FER: variants seen among roughly 807,000 people sequenced by gnomAD.
The protein encoded by FER is tyrosine-protein kinase Fer.
FER carries 63 observed loss-of-function variants against 111.0 expected under a neutral mutation model. The observed-to-expected ratio is 0.57, with a 90% CI of 0.46 to 0.70. The LOEUF is 0.70. Among genes scored for constraint, FER ranks in the 30% least tolerant of loss-of-function variants. The pLI, the probability that FER is intolerant of heterozygous loss-of-function variation, is 0.00. For synonymous variants in FER, 327 were observed against 313.9 expected, an observed-to-expected ratio of 1.04 and a Z score of -0.44; for missense variants, 914 against 954.0, an observed-to-expected ratio of 0.96 and a Z score of 0.55.
chr5:108,998,543 G>C (rs1294415187), intron 13 of FER, among the ~76,000 whole-genome samples: 1 of 152,110 alleles, frequency 6.6e-6, no homozygotes, highest in Non-Finnish European at 1.5e-5. Flanking sequence ...GAAATCCCCT[G>C]CCTTCTCCCT....
chr5:108,775,478 C>G (rs1166807264), intron 2 of FER, among the ~76,000 whole-genome samples: 3 of 152,110 alleles, frequency 2.0e-5, no homozygotes, highest in Non-Finnish European at 4.4e-5. Context: ...GTTAATAATT[C>G]TGCTCTCCTT....
rs997229794 is a variant in FER at position 109,061,066 on chromosome 5, G to A, written c.1924+13868G>A. On this transcript the variant is annotated intron_variant, in intron 16 of 19. Coordinates refer to ENST00000281092, the MANE Select transcript of FER (RefSeq NM_005246.4). ...AATTGGGAAGCACAGTTTGTCTTCAGTTCTTCCCTTTTACCATCATTTGTG... is the reference window on the plus strand; with the variant it reads ...AATTGGGAAGCACAGTTTGTCTTCAATTCTTCCCTTTTACCATCATTTGTG... Among the ~76,000 whole-genome samples the A allele has an allele frequency of 2.6e-5, 4 of 152,056 alleles. No homozygotes were observed. The East Asian group carries it at 7.7e-4, about 29-fold the overall frequency.
intron 3 of FER, among the ~76,000 whole-genome samples, chr5:108,811,877 G>A (rs1757797777): frequency 1.3e-5 from 2 of 152,102 alleles, no homozygotes; most frequent in Admixed American, 6.5e-5. Flanking sequence ...CCTCCTTTTT[G>A]TTCCATTAGG....
intron 5 of FER, among the ~76,000 whole-genome samples, chr5:108,855,477 C>T (rs905002584): frequency 2.6e-5 from 4 of 151,190 alleles, no homozygotes; most frequent in South Asian, 4.2e-4. Context: ...AAAAATTAGC[C>T]GGGCGCGGTG....
chr5:109,166,185 G>C (rs143629128), intron 17 of FER, among the ~76,000 whole-genome samples: 359 of 149,882 alleles, frequency 2.4e-3, no homozygotes, highest in African/African-American at 8.6e-3. Flanking sequence ...TTTCCATCTT[G>C]TCTGTCTGTC....
rs887642083 is a variant in FER, at chr5:109,093,246, T to C, written c.1925-7150T>C. Among the ~76,000 whole-genome samples the C allele has an allele frequency of 2.4e-4, 36 of 152,340 alleles. 1 individual carries two copies. Among genetic ancestry groups the C allele is most frequent in the African/African-American group, 8.7e-4 (36 of 41,586 alleles). On this transcript the variant is annotated intron_variant, in intron 16 of 19. Coordinates refer to ENST00000281092, the MANE Select transcript of FER (RefSeq NM_005246.4). ...AATTGTTAATACAGTAAATTTATTG[T>C]GTAAATTTATGTGGTTTTTACCACA...
At chr5:109,185,953 G>A (rs1562006493) in intron 18 of FER, among the ~76,000 whole-genome samples, 9 of 152,218 alleles carry the variant, frequency 5.9e-5, no homozygotes, top group Admixed American at 6.5e-5. Flanking sequence ...TAACACAATG[G>A]TAAGTTTTTG....
chr5:108,875,934 T>A (rs1765050020), intron 8 of FER, among the ~76,000 whole-genome samples: 1 of 152,214 alleles, frequency 6.6e-6, no homozygotes, highest in African/African-American at 2.4e-5. Context: ...CATGATTACG[T>A]AAAATGTGTA....
intron 5 of FER, among the ~76,000 whole-genome samples, chr5:108,845,067 T>TACATATATATATATATACACACAC (rs1761887476): frequency 3.7e-5 from 2 of 53,856 alleles, no homozygotes; most frequent in African/African-American, 7.6e-5. Context: ...TATATATATA[T>TACATATATATATATATACACACAC]ACACACACAC....
At chr5:108,967,057 C>T (rs1759947599) in intron 13 of FER, among the ~76,000 whole-genome samples, 1 of 152,126 alleles carries the variant, frequency 6.6e-6, no homozygotes. Context: ...CAGTGATGCC[C>T]CCACCTAGGC....
intron 8 of FER, among the ~76,000 whole-genome samples, chr5:108,882,008 T>A (rs1765726147): frequency 6.6e-6 from 1 of 152,172 alleles, no homozygotes; most frequent in African/African-American, 2.4e-5. Flanking sequence ...TTTAAAATTG[T>A]ATCTTAGAAA....
chr5:109,036,589 C>T (rs565811672), intron 13 of FER, among the ~76,000 whole-genome samples: 2 of 151,916 alleles, frequency 1.3e-5, no homozygotes, highest in Non-Finnish European at 1.5e-5. Context: ...ATATATCAAC[C>T]AGGATACTCT....
intron 11 of FER, 142 bp from the exon 12 acceptor site, chr5:108,954,587 T>C (rs1253610113): frequency 3.3e-6 from 2 of 609,146 alleles, no homozygotes; most frequent in Admixed American, 3.4e-5. Flanking sequence ...TCAAAAGATA[T>C]TTTAGGTTTA....
At chr5:109,029,669 C>A (rs1449505128) in intron 13 of FER, among the ~76,000 whole-genome samples, 1 of 152,074 alleles carries the variant, frequency 6.6e-6, no homozygotes, top group African/African-American at 2.4e-5. Flanking sequence ...TTTGTCCAAA[C>A]TGTGTGGTTT....
At chr5:108,748,254 G>A (rs1041376537) in intron 1 of FER, 2 of 152,278 alleles carry the variant, frequency 1.3e-5, no homozygotes, top group Admixed American at 1.3e-4. Flanking sequence ...CAATTCTGAG[G>A]CTGAAAAGTG....
chr5:108,975,443 C>G (rs745623776), intron 13 of FER, among the ~76,000 whole-genome samples: 7 of 152,016 alleles, frequency 4.6e-5, no homozygotes, highest in Non-Finnish European at 8.8e-5. Flanking sequence ...TTGCATTAAG[C>G]TACTAAATAT....
chr5:108,763,828 A>G (rs375393842), intron 1 of FER, among the ~76,000 whole-genome samples: 37 of 152,266 alleles, frequency 2.4e-4, no homozygotes, highest in African/African-American at 8.2e-4. Flanking sequence ...CTGAACTCAT[A>G]TATAGGGGCA....
chr5:109,056,969 G>T (rs1171644003), intron 16 of FER, among the ~76,000 whole-genome samples: 7 of 152,060 alleles, frequency 4.6e-5, no homozygotes, highest in African/African-American at 7.2e-5. Flanking sequence ...CTATAGAAAG[G>T]CTTGGTAGAA....
intron 10 of FER, among the ~76,000 whole-genome samples, chr5:108,913,315 GACTC>G (rs1581172791): frequency 6.6e-6 from 1 of 152,116 alleles, no homozygotes; most frequent in Non-Finnish European, 1.5e-5. Flanking sequence ...TTAAATGTGT[GACTC>G]ACTCTACATA....
Sources: gnomAD v4.1 joint callset for allele counts (sites outside exome capture counted in the v4.1 genomes callset) on GRCh38, gnomAD v4.1.1 for gene constraint, MANE v1.5 for transcripts, NCBI Gene and HGNC (gene_info 2026-07-23, HGNC 2026-07-21) for gene names.